ARHGAP42: variants seen among roughly 807,000 people sequenced by gnomAD.
ARHGAP42 encodes the protein Rho GTPase activating protein 42.
ARHGAP42 carries 63 observed loss-of-function variants against 125.0 expected under a neutral mutation model. That is an observed-to-expected ratio of 0.50 (90% confidence interval 0.41 to 0.62). The LOEUF (loss-of-function observed/expected upper bound fraction) is 0.62. Ranked by LOEUF, ARHGAP42 falls within the 20% of genes least tolerant of loss-of-function variation. ARHGAP42 has a pLI of 0.00. For missense variants in ARHGAP42, 766 were observed against 1,024.2 expected, an observed-to-expected ratio of 0.75 and a Z score of 3.44; for synonymous variants, 339 against 351.0, an observed-to-expected ratio of 0.97 and a Z score of 0.38.
intron 1 of ARHGAP42, among the ~76,000 whole-genome samples, chr11:100,760,634 G>A (rs1425915087): frequency 6.6e-6 from 1 of 152,124 alleles, no homozygotes; most frequent in Non-Finnish European, 1.5e-5. Flanking sequence ...CCAGGAGGCG[G>A]AGGTTGCAGT....
At chr11:100,941,008 G>A (rs544416723) in intron 8 of ARHGAP42, among the ~76,000 whole-genome samples, 1 of 152,284 alleles carries the variant, frequency 6.6e-6, no homozygotes, top group South Asian at 2.1e-4. Flanking sequence ...AAGTATTAAG[G>A]TGAGGGTGTT....
chr11:100,836,730 CTTT>C (rs200596327), intron 3 of ARHGAP42, among the ~76,000 whole-genome samples: 2 of 123,244 alleles, frequency 1.6e-5, no homozygotes, highest in Non-Finnish European at 3.3e-5. Flanking sequence ...TTGTTGTTTT[CTTT>C]TTTTTTTTTT....
chr11:100,969,995 T>C lies in ARHGAP42; in HGVS notation c.1551-3180T>C, dbSNP rs111359936. Among the ~76,000 whole-genome samples the C allele has an allele frequency of 3.1e-3, 470 of 150,744 alleles. 2 individuals carry two copies. Among genetic ancestry groups the C allele is most frequent in the African/African-American group, 0.011 (453 of 41,166 alleles). On this transcript the variant is annotated intron_variant, in intron 17 of 23. Transcript: ENST00000298815. ...TTGTTTGCTTGTTTGTTTAGTGTCT[T>C]TTTTTTTTGTTGAGACAGAGTCTCA...
chr11:100,935,937 G>A (rs531171773), intron 7 of ARHGAP42, among the ~76,000 whole-genome samples: 1 of 152,156 alleles, frequency 6.6e-6, no homozygotes, highest in South Asian at 2.1e-4. Flanking sequence ...TTTGAGACCA[G>A]CCTGGGAAAC....
intron 4 of ARHGAP42, among the ~76,000 whole-genome samples, chr11:100,891,498 A>G (rs1866218046): frequency 7.0e-6 from 1 of 142,864 alleles, no homozygotes; most frequent in Non-Finnish European, 1.5e-5. Flanking sequence ...GCTGGAGTGC[A>G]ATGGTGCAAT....
At chr11:100,967,906 T>C (rs2077846574) in intron 17 of ARHGAP42, among the ~76,000 whole-genome samples, 1 of 152,026 alleles carries the variant, frequency 6.6e-6, no homozygotes, top group South Asian at 2.1e-4. Context: ...GCATTTTTAG[T>C]AGAGACGGGG....
chr11:100,952,647 G>A (rs1857690496), intron 12 of ARHGAP42, among the ~76,000 whole-genome samples: 1 of 151,736 alleles, frequency 6.6e-6, no homozygotes, highest in Admixed American at 6.6e-5. Flanking sequence ...CTGGCTCAAA[G>A]GCACAGGATT....
At chr11:100,983,432 G>A (rs528472363) in intron 22 of ARHGAP42, among the ~76,000 whole-genome samples, 2 of 152,136 alleles carry the variant, frequency 1.3e-5, no homozygotes, top group African/African-American at 2.4e-5. Flanking sequence ...TTAGGCTTCT[G>A]CCTGCCCCTC....
At chr11:100,875,105 CTCTGTGTGTGTGTGTG>C (rs1266456645) in intron 4 of ARHGAP42, among the ~76,000 whole-genome samples, 18 of 49,292 alleles carry the variant, frequency 3.7e-4, no homozygotes, top group Non-Finnish European at 6.1e-4. Context: ...CTCTCTCTCT[CTCTGTGTGTGTGTGTG>C]TGTGTGTGTG....
intron 4 of ARHGAP42, 110 bp from the exon 5 acceptor site, chr11:100,913,342 C>A: frequency 2.8e-6 from 1 of 354,188 alleles, no homozygotes. Flanking sequence ...ATAGTTGGGA[C>A]TCACTGTCTT....
At chr11:100,814,060 G>A (rs545773860) in intron 3 of ARHGAP42, among the ~76,000 whole-genome samples, 167 of 152,288 alleles carry the variant, frequency 1.1e-3, no homozygotes, top group African/African-American at 3.9e-3. Flanking sequence ...GGGCATGGTG[G>A]CAGATGCCTG....
chr11:100,720,174 T>C (rs1436067252), intron 1 of ARHGAP42, among the ~76,000 whole-genome samples: 10 of 152,234 alleles, frequency 6.6e-5, no homozygotes, highest in Non-Finnish European at 1.3e-4. Context: ...GTAGATGGCC[T>C]GGTGTATGTG....
At chr11:100,987,032 C>T (rs1465421718) in intron 22 of ARHGAP42, among the ~76,000 whole-genome samples, 1 of 152,038 alleles carries the variant, frequency 6.6e-6, no homozygotes. Context: ...TCAACTTATC[C>T]TATTATTTTT....
intron 1 of ARHGAP42, among the ~76,000 whole-genome samples, chr11:100,718,986 AC>A (rs1450140903): frequency 1.3e-5 from 2 of 152,212 alleles, no homozygotes; most frequent in Non-Finnish European, 2.9e-5. Flanking sequence ...GTGATGCTTC[AC>A]TATACCTCAT....
At chr11:100,821,116 A>G (rs764696572) in intron 3 of ARHGAP42, among the ~76,000 whole-genome samples, 1 of 152,138 alleles carries the variant, frequency 6.6e-6, no homozygotes. Flanking sequence ...TTTCAAAAAC[A>G]TGGCCTGGTT....
chr11:100,747,822 C>T (rs1862339755), intron 1 of ARHGAP42, among the ~76,000 whole-genome samples: 1 of 107,494 alleles, frequency 9.3e-6, no homozygotes, highest in African/African-American at 4.5e-5. Flanking sequence ...CATAAATTCC[C>T]TTTTATAACT....
rs1056475189 is a variant in ARHGAP42, at chr11:100,976,971, T to G, written c.2393T>G (p.Val798Gly). ...AATGGCTATCAGCGGCCTGGCTCAG[T>G]GTAAGTGAGCGTTTGTATATTTGCT... Reference protein sequence around the residue: ...SSNGYQRPGSVVAAKAQLFEN... With the variant: ...SSNGYQRPGSGVAAKAQLFEN... The change falls in exon 21 of 24, where the codon GTA becomes GGA. Residue 798 changes from valine (V) to glycine (G), a missense_variant and splice_region_variant. By Grantham distance (109) the Val-to-Gly change is moderately radical. This residue lies in a region of ARHGAP42 where 308 missense variants were observed against 369.7 expected (regional missense o/e 0.83). Coordinates refer to ENST00000298815, the MANE Select transcript of ARHGAP42 (RefSeq NM_152432.4). The G allele has an allele frequency of 6.4e-7, 1 of 1,551,256 alleles. No individual in the cohort carries two copies. Among genetic ancestry groups the G allele is most frequent in the Non-Finnish European group, 8.7e-7 (1 of 1,146,716 alleles).
At chr11:100,705,132 G>A (rs958533191) in intron 1 of ARHGAP42, among the ~76,000 whole-genome samples, 1 of 151,880 alleles carries the variant, frequency 6.6e-6, no homozygotes, top group African/African-American at 2.4e-5. Context: ...ACTTCTGTCA[G>A]GATATATATT....
At chr11:100,734,557 G>A (rs1862026201) in intron 1 of ARHGAP42, among the ~76,000 whole-genome samples, 1 of 152,132 alleles carries the variant, frequency 6.6e-6, no homozygotes, top group Non-Finnish European at 1.5e-5. Flanking sequence ...CTGGGATTAC[G>A]GGCGTCAGAC....
Sources: gnomAD v4.1 joint callset for allele counts (sites outside exome capture counted in the v4.1 genomes callset) on GRCh38, gnomAD v4.1.1 for gene constraint, gnomAD v4.1.1 regional missense constraint, MANE v1.5 for transcripts, NCBI Gene and HGNC (gene_info 2026-07-23, HGNC 2026-07-21) for gene names.